EEF2: variants seen among roughly 807,000 people sequenced by gnomAD.
EEF2 encodes elongation factor 2.
A neutral mutation model predicts 85.3 loss-of-function variants in EEF2; 21 were observed. The observed-to-expected ratio is 0.25, with a 90% confidence interval of 0.17 to 0.35. The LOEUF (loss-of-function observed/expected upper bound fraction) is 0.35. EEF2 is among the 10% of genes least tolerant of loss of function. EEF2 has a pLI of 1.00. For synonymous variants in EEF2, 723 were observed against 508.8 expected, an observed-to-expected ratio of 1.42 and a Z score of -5.67; for missense variants, 825 against 1,225.3, an observed-to-expected ratio of 0.67 and a Z score of 4.88.
chr19:3,985,399 A>C lies in EEF2; in HGVS notation c.-19T>G, dbSNP rs748898673. 6.6e-6 allele frequency: 10 copies of C among 1,510,580 alleles called. No individual in the cohort carries two copies. Among genetic ancestry groups the C allele is most frequent in the Non-Finnish European group, 8.9e-6 (10 of 1,126,380 alleles). The allele number at this position is 1,510,580 out of a possible 1,614,324, so 93.6% of individuals were successfully genotyped here. On this transcript the variant is annotated 5_prime_UTR_variant, in exon 1 of 15. Transcript: ENST00000309311. Reference sequence around the variant, plus strand: ...TCACCATGGTGGCGGATGGCGGTGGATTCTCCCAGGTAGAACCGAAAGAAG... The same window carrying C: ...TCACCATGGTGGCGGATGGCGGTGGCTTCTCCCAGGTAGAACCGAAAGAAG...
Position 3,977,419 on chromosome 19 carries a change from AG to A in EEF2, c.2250+8del. ...GTGGCAGGGTCAGCGGTGGGCGGGT[AG>A]ACCTCACCTGGATCTCCACAAGGTA... On this transcript the variant is annotated splice_region_variant and intron_variant, in intron 13 of 14. Coordinates refer to ENST00000309311, the MANE Select transcript of EEF2 (RefSeq NM_001961.4). The surrounding 1 kb of genome is among the most constrained non-coding windows in gnomAD (Gnocchi z 5.4). 1 of 1,584,758 alleles carries A rather than the reference AG, an allele frequency of 6.3e-7. No individual in the cohort carries two copies. The highest frequency in any genetic ancestry group is 8.6e-7 in the Non-Finnish European group (1 of 1,164,964).
In EEF2 at chr19:3,981,950, G is replaced by A; in HGVS notation, c.894C>T (p.Phe298=). The change falls in exon 6 of 15, where the codon TTC becomes TTT. Residue 298 remains phenylalanine, a synonymous_variant. Transcript: ENST00000309311. The part of the protein sequence containing the change: ...TFCQLILDPI[F]KVFDAIMNFK... ...GCCTGGCGCAGCCCTCACTCACCTT[G>A]AAGATGGGGTCCAGGATCAGCTGGC... 1 of 1,613,866 alleles carries A rather than the reference G, an allele frequency of 6.2e-7. No homozygotes were observed. The highest frequency in any genetic ancestry group is 1.1e-5 in the South Asian group (1 of 91,056).
Position 3,980,702 on chromosome 19 carries a change from T to G in EEF2, c.1158A>C (p.Lys386Asn). 1.2e-6 allele frequency: 2 copies of G among 1,613,320 alleles called. No homozygotes were observed. The highest frequency in any genetic ancestry group is 1.7e-6 in the Non-Finnish European group (2 of 1,179,352). Residue 386 changes from lysine (K) to asparagine (N), a missense_variant, in exon 9 of 15, where the codon AAA (lysine) becomes AAC (asparagine). Physicochemically the swap from Lys to Asn is moderately conservative, Grantham distance 94. Transcript: ENST00000309311. The part of the protein sequence containing the change: ...PPDDEAAMGI[K>N]SCDPKGPLMM... ...TAAGAGGGCCTTTGGGGTCACAGCT[T>G]TTAATGCCTGAGGGACAGAGAAAAC...
chr19:3,984,910 G>C (rs929136237), intron 1 of EEF2: 1 of 171,880 alleles, frequency 5.8e-6, no homozygotes, highest in South Asian at 1.8e-4. Context: ...TAAGGTCGAC[G>C]ATTAACAGCA....
rs371652892 is a variant in EEF2 at position 3,979,119 on chromosome 19, G to A, written c.1713+210C>T. 1.6e-4 allele frequency among the ~76,000 whole-genome samples: 24 copies of A among 152,142 alleles called. No individual in the cohort carries two copies. The South Asian group carries it at 3.5e-3, about 22-fold the overall frequency. On this transcript the variant is annotated intron_variant, in intron 11 of 14. Coordinates refer to ENST00000309311, the MANE Select transcript of EEF2 (RefSeq NM_001961.4). ...TGCACTCCAGCCTGGATGACACAGC[G>A]AGACTATCTCAAAAAAAACAACAAC...
At position 3,976,225 on chromosome 19, in the gene EEF2, G is replaced by C; in HGVS notation, c.*329C>G. 1 of 345,394 alleles carries C rather than the reference G, an allele frequency of 2.9e-6. No homozygotes were observed. The highest frequency in any genetic ancestry group is 5.4e-6 in the Non-Finnish European group (1 of 186,264). The allele number at this position is 345,394 out of a possible 1,614,324, so 21.4% of individuals were successfully genotyped here. On this transcript the variant is annotated 3_prime_UTR_variant, in exon 15 of 15. Coordinates refer to ENST00000309311, the MANE Select transcript of EEF2 (RefSeq NM_001961.4). ...CATGTACCCAAATAAACCTCTTAAT[G>C]CGTTTGTTAAAATTAGTTTGGACAT... is the stretch of plus-strand genomic sequence containing the variant.
chr19:3,980,143 C>T (rs1323470997), intron 9 of EEF2, 77 bp from the exon 10 acceptor site: 9 of 1,538,794 alleles, frequency 5.8e-6, no homozygotes, highest in African/African-American at 2.7e-5. Context: ...AGGTCCCTCC[C>T]GGAGTTGGTG....
chr19:3,982,536 T>C (rs747824289), intron 4 of EEF2, 112 bp from the exon 5 acceptor site: 3 of 1,377,760 alleles, frequency 2.2e-6, no homozygotes, highest in Non-Finnish European at 3.1e-6. Flanking sequence ...TCAGTAGACA[T>C]CTGGTCAAAG....
In EEF2 at chr19:3,983,235, C is replaced by G. The variant is rs935375368; in HGVS notation, c.275G>C (p.Ser92Thr). The change falls in exon 3 of 15, where the codon AGC becomes ACC. Residue 92 changes from serine to threonine, a missense_variant. By Grantham distance (58) the Ser-to-Thr change is moderately conservative (BLOSUM62 1). Transcript: ENST00000309311. ...GATGAGGAAGCCGGCACCGTCCTTG[C>G]TCTGCTTGATGAAGTTCAAGTCATT... ...SENDLNFIKQ[S>T]KDGAGFLINL... 9.3e-6 allele frequency: 15 copies of G among 1,613,986 alleles called. No homozygotes were observed. Among genetic ancestry groups the G allele is most frequent in the Non-Finnish European group, 1.3e-5 (15 of 1,179,984 alleles).
At chr19:3,984,401 C>A (rs1321458355) in intron 1 of EEF2, 51 bp from the exon 2 acceptor site, 21 of 1,586,140 alleles carry the variant, frequency 1.3e-5, no homozygotes, top group Non-Finnish European at 1.8e-5. Context: ...AGGAACACAG[C>A]ATGGCACGGA....
intron 7 of EEF2, 21 bp from the exon 8 acceptor site, chr19:3,981,000 GC>G: frequency 6.4e-7 from 1 of 1,561,220 alleles, no homozygotes; most frequent in Non-Finnish European, 8.7e-7. Context: ...AGAGAGCGGT[GC>G]ATGAGACACC....
In EEF2 at chr19:3,980,082, G is replaced by C. The variant is rs200014508; in HGVS notation, c.1347-16C>G. 6.2e-7 allele frequency: 1 copy of C among 1,607,522 alleles called. No individual in the cohort carries two copies. The highest frequency in any genetic ancestry group is 1.3e-5 in the African/African-American group (1 of 74,894). On this transcript the variant is annotated splice_polypyrimidine_tract_variant and intron_variant, in intron 9 of 14. Transcript: ENST00000309311. ...CAAGATTGTTCTGGAAGAAGCAGAA[G>C]GCGGCAGCAGGCCGCAGGGATGGTT...
In EEF2 at chr19:3,982,242, T is replaced by C. The variant is rs2039759713; in HGVS notation, c.791+4A>G. On this transcript the variant is annotated splice_donor_region_variant and intron_variant, in intron 5 of 14. Transcript: ENST00000309311. ...AATCCCCCACCATATCCCGCGGGGC[T>C]CACCTGTCACCCCACAGCTTCTTCA... 2 of 1,613,782 alleles carry C rather than the reference T, an allele frequency of 1.2e-6. No homozygotes were observed. Among genetic ancestry groups the C allele is most frequent in the Non-Finnish European group, 1.7e-6 (2 of 1,179,784 alleles).
chr19:3,977,954 A>T lies in EEF2; in HGVS notation c.1932T>A (p.Ala644=). 1 of 1,613,458 alleles carries T rather than the reference A, an allele frequency of 6.2e-7. No homozygotes were observed. The highest frequency in any genetic ancestry group is 8.5e-7 in the Non-Finnish European group (1 of 1,179,970). Residue 644 remains alanine (A), a synonymous_variant, in exon 12 of 15, where the codon GCT becomes GCA. Coordinates refer to ENST00000309311, the MANE Select transcript of EEF2 (RefSeq NM_001961.4). This position sits in a 1 kb window ranked among gnomAD's most constrained non-coding sequence, Gnocchi z 5.4. ...YLAEKYEWDV[A]EARKIWCFGP... The stretch of plus-strand genomic sequence containing the variant: ...CAAAGCACCAGATCTTGCGGGCCTC[A>T]GCCACGTCCCACTCGTACTTCTCGG...
intron 14 of EEF2, 150 bp from the exon 15 acceptor site, chr19:3,976,897 A>G: frequency 7.9e-6 from 8 of 1,019,004 alleles, no homozygotes; most frequent in Non-Finnish European, 1.1e-5. Context: ...CGAAGGGCCT[A>G]GCAGGCCACT....
rs770242626 is a variant in EEF2, at chr19:3,978,044, G to C, written c.1842C>G (p.Ala614=). 26 of 1,597,830 alleles carry C rather than the reference G, an allele frequency of 1.6e-5. No homozygotes were observed. Among genetic ancestry groups the C allele is most frequent in the Non-Finnish European group, 2.0e-5 (23 of 1,169,346 alleles). Residue 614 remains alanine (A), a synonymous_variant, in exon 12 of 15, where the codon GCC becomes GCG. Transcript: ENST00000309311. The stretch of plus-strand genomic sequence containing the variant: ...ACACCTCGCCTTTATCGATGTCCTC[G>C]GCCAGGCCGTCGGGGAAGGGCCGCG... ...MKARPFPDGL[A]EDIDKGEVSA...
chr19:3,981,004 G>T (rs1487851933), intron 7 of EEF2, 25 bp from the exon 8 acceptor site: 2 of 1,558,728 alleles, frequency 1.3e-6, no homozygotes, highest in Admixed American at 1.9e-5. Context: ...AGCGGTGCAT[G>T]AGACACCTGG....
At chr19:3,981,205 C>G (rs1392872930) in intron 7 of EEF2, 134 bp downstream of exon 7, 16 of 1,077,756 alleles carry the variant, frequency 1.5e-5, no homozygotes, top group Non-Finnish European at 2.1e-5. Flanking sequence ...CAGCAGCACC[C>G]AGAGTCTAAA....
At position 3,982,887 on chromosome 19, in the gene EEF2, A is replaced by G; in HGVS notation, c.532T>C (p.Phe178Leu). 1 of 1,613,708 alleles carries G rather than the reference A, an allele frequency of 6.2e-7. No homozygotes were observed. Among genetic ancestry groups the G allele is most frequent in the Non-Finnish European group, 8.5e-7 (1 of 1,179,982 alleles). Residue 178 changes from phenylalanine to leucine, a missense_variant, in exon 4 of 15, where the codon TTC (phenylalanine) becomes CTC (leucine). Transcript: ENST00000309311. The stretch of plus-strand genomic sequence containing the variant: ...TTCACGTTCTCCACGATGCGCTGGA[A>G]AGTCTGGTAGAGCTCCTCGGGCTCC... ...QLEPEELYQT[F>L]QRIVENVNVI...
Sources: allele counts gnomAD v4.1 joint callset (sites outside exome capture counted in the v4.1 genomes callset), GRCh38; gene constraint gnomAD v4.1.1; non-coding constraint Gnocchi (gnomAD v3.1); transcripts MANE v1.5; gene names NCBI Gene and HGNC (gene_info 2026-07-23, HGNC 2026-07-21).